The following JAKMIP3 variants were observed in gnomAD, a reference collection of about 807,000 sequenced individuals.
JAKMIP3 encodes Janus kinase and microtubule interacting protein 3.
Under a neutral mutation model 118.5 loss-of-function variants are expected in JAKMIP3, and 58 were observed. That is an observed-to-expected ratio of 0.49 (90% CI 0.40 to 0.61). The LOEUF (loss-of-function observed/expected upper bound fraction) is 0.61, where lower values mean the gene tolerates loss of function less well. JAKMIP3 is among the 20% of genes least tolerant of loss of function. The pLI is 0.00. For synonymous variants in JAKMIP3, 486 were observed against 451.2 expected, an observed-to-expected ratio of 1.08 and a Z score of -0.98; for missense variants, 950 against 1,109.0, an observed-to-expected ratio of 0.86 and a Z score of 2.04.
At chr10:132,159,826 CCTCTCCCT>C (rs2057795865) in intron 19 of JAKMIP3, among the ~76,000 whole-genome samples, 6 of 30,258 alleles carry the variant, frequency 2.0e-4, no homozygotes, top group African/African-American at 6.5e-4. Flanking sequence ...TGCTGGGGGG[CCTCTCCCT>C]GTGTGATGCT....
At position 132,167,030 on chromosome 10, in the gene JAKMIP3, A is replaced by G. The variant is rs369101480; in HGVS notation, c.2538A>G (p.Ser846=). 82 of 1,550,002 alleles carry G rather than the reference A, an allele frequency of 5.3e-5. No individual in the cohort carries two copies. The highest frequency in any genetic ancestry group is 1.4e-4 in the African/African-American group (10 of 72,862). Residue 846 remains serine, a synonymous_variant, in exon 22 of 24, where the codon TCA becomes TCG. Transcript: ENST00000684848. The part of the protein sequence containing the change: ...LFFSLAFILW[S] Reference sequence around the variant, plus strand: ...TCTCCTTAGCTTTCATTCTCTGGTCATAGTCCGTCTTGGCACCCTGACGTG... The same window carrying G: ...TCTCCTTAGCTTTCATTCTCTGGTCGTAGTCCGTCTTGGCACCCTGACGTG...
At chr10:132,061,585 G>C (rs937044861), upstream of JAKMIP3, among the ~76,000 whole-genome samples, 1 of 152,206 alleles carries the variant, frequency 6.6e-6, no homozygotes, top group African/African-American at 2.4e-5. Context: ...CGTTGGGGCA[G>C]AGCTTGACAG....
intron 1 of JAKMIP3, among the ~76,000 whole-genome samples, chr10:132,077,147 GT>G (rs2040953686): frequency 1.3e-5 from 2 of 152,190 alleles, no homozygotes; most frequent in Non-Finnish European, 2.9e-5. Flanking sequence ...CTCCTTGCTC[GT>G]GAGCAAAAGG....
Position 132,154,035 on chromosome 10 carries a change from C to G in JAKMIP3, c.2220+45C>G, listed in dbSNP as rs7082416. On this transcript the variant is annotated intron_variant, in intron 19 of 23. Transcript: ENST00000684848. ...TGGAACCCCGGGGAGGGGCACTGGG[C>G]TGAAACGGCCACGTGGCTCAGGTGC... 240,035 of 1,582,584 alleles carry G rather than the reference C, an allele frequency of 0.15. 19,752 individuals are homozygous for G. The highest frequency in any genetic ancestry group is 0.27 in the African/African-American group (20,033 of 74,438).
rs770812165 is a variant in JAKMIP3, at chr10:132,147,962, T to C, written c.1760T>C (p.Met587Thr). Residue 587 changes from methionine (M) to threonine (T), a missense_variant, in exon 14 of 24, where the codon ATG (methionine) becomes ACG (threonine). Met to Thr is a moderately conservative substitution (Grantham distance 81, BLOSUM62 -1). Transcript: ENST00000684848. The stretch of plus-strand genomic sequence containing the variant: ...TCTTTTATGTTGCAGATCAAACAAA[T>C]GGAGACGGAAGAGGCTCGGCTCAGA... ...NQELVEKIKQMETEEARLRHE... is the reference protein window; with the variant it reads ...NQELVEKIKQTETEEARLRHE... The C allele has an allele frequency of 2.2e-5, 35 of 1,606,140 alleles. No homozygotes were observed. The highest frequency in any genetic ancestry group is 2.9e-5 in the Non-Finnish European group (34 of 1,176,084).
chr10:132,170,272 C>T (rs1405192653), intron 23 of JAKMIP3: 1 of 152,340 alleles, frequency 6.6e-6, no homozygotes, highest in Non-Finnish European at 1.5e-5. Flanking sequence ...TCCACAGCCT[C>T]CAGGGTCCCC....
At chr10:132,158,358 A>ACATC (rs1431369897) in intron 19 of JAKMIP3, among the ~76,000 whole-genome samples, 1 of 152,188 alleles carries the variant, frequency 6.6e-6, no homozygotes, top group Non-Finnish European at 1.5e-5. Flanking sequence ...TTGTGATCAA[A>ACATC]CATCCCATGG....
chr10:132,055,250 C>A (rs2038207673), intron 1 of JAKMIP3, among the ~76,000 whole-genome samples: 1 of 152,132 alleles, frequency 6.6e-6, no homozygotes, highest in Non-Finnish European at 1.5e-5. Flanking sequence ...GAACTCTTTT[C>A]AAGACCTTTA....
chr10:132,110,686 A>G (rs756375757), intron 2 of JAKMIP3, among the ~76,000 whole-genome samples: 3 of 152,254 alleles, frequency 2.0e-5, no homozygotes, highest in Non-Finnish European at 4.4e-5. Flanking sequence ...AGACTTGAGC[A>G]GACTGAGATC....
upstream of JAKMIP3, among the ~76,000 whole-genome samples, chr10:132,036,432 G>T (rs953424356): frequency 6.6e-6 from 1 of 152,148 alleles, no homozygotes; most frequent in Admixed American, 6.5e-5. Context: ...AGCCGGCGGC[G>T]CCCGGTGCCC....
intron 3 of JAKMIP3, among the ~76,000 whole-genome samples, chr10:132,126,664 G>A (rs918646901): frequency 4.6e-5 from 7 of 152,092 alleles, no homozygotes; most frequent in South Asian, 2.1e-4. Flanking sequence ...AAATTCCCTC[G>A]TATTCCTACT....
intron 1 of JAKMIP3, among the ~76,000 whole-genome samples, chr10:132,104,052 G>A (rs932687601): frequency 6.6e-6 from 1 of 152,190 alleles, no homozygotes; most frequent in African/African-American, 2.4e-5. Context: ...GCGTGTGTCC[G>A]AATCTCCCTC....
intron 2 of JAKMIP3, among the ~76,000 whole-genome samples, chr10:132,116,749 A>T (rs1475873645): frequency 3.3e-4 from 31 of 94,538 alleles, no homozygotes; most frequent in Non-Finnish European, 5.4e-4. Flanking sequence ...CAGATGTGTG[A>T]GTGTGTGCAT....
At chr10:132,048,143 G>A (rs1169394316) in intron 1 of JAKMIP3, among the ~76,000 whole-genome samples, 1 of 152,254 alleles carries the variant, frequency 6.6e-6, no homozygotes, top group Non-Finnish European at 1.5e-5. Context: ...CAGGTGTGAT[G>A]TTGAGGGCGA....
intron 9 of JAKMIP3, among the ~76,000 whole-genome samples, chr10:132,140,146 G>A (rs201403261): frequency 1.6e-4 from 24 of 152,342 alleles, no homozygotes; most frequent in Non-Finnish European, 2.5e-4. Context: ...GTTAACCCGG[G>A]TACCACCCTC....
At position 132,168,215 on chromosome 10, in the gene JAKMIP3, C is replaced by G. The variant is rs1226562172; in HGVS notation, c.*285C>G. On this transcript the variant is annotated 3_prime_UTR_variant, in exon 23 of 24. Transcript: ENST00000684848. ...GGCTGCTGGACCCTGGGTCCCTTCTCCCGGACGGCAGCCCCCATCCCATTT... is the reference window on the plus strand; with the variant it reads ...GGCTGCTGGACCCTGGGTCCCTTCTGCCGGACGGCAGCCCCCATCCCATTT... The G allele has an allele frequency of 8.5e-6, 11 of 1,288,950 alleles. No individual in the cohort carries two copies. The highest frequency in any genetic ancestry group is 6.9e-5 in the Admixed American group (3 of 43,488). 79.8% of individuals were successfully genotyped at this position (1,288,950 alleles called of 1,614,324 possible).
chr10:132,174,389 GGTGGGCTCAATGGCCTCCGTGGCCTCC>G (rs2059953456), intron 23 of JAKMIP3, among the ~76,000 whole-genome samples: 1 of 151,982 alleles, frequency 6.6e-6, no homozygotes, highest in African/African-American at 2.4e-5. Flanking sequence ...CTGTGGGCTT[GGTGGGCTCAATGGCCTCCGTGGCCTCC>G]GTGGGCTCAG....
intron 11 of JAKMIP3, among the ~76,000 whole-genome samples, chr10:132,142,577 C>T (rs1053704149): frequency 9.2e-5 from 14 of 152,346 alleles, no homozygotes; most frequent in East Asian, 3.9e-4. Context: ...ACCTTAGCGT[C>T]GTCCCCCAGG....
In JAKMIP3 at chr10:132,117,681, C is replaced by T. The variant is rs1031104348; in HGVS notation, c.633+107C>T. ...GGTGCAGGCGTGGGCTCGGGGAGCA[C>T]GCGGGCAGCACCGGCTTCACCCCCC... On this transcript the variant is annotated intron_variant, in intron 3 of 23. Transcript: ENST00000684848. The surrounding 1 kb of genome is among the most constrained non-coding windows in gnomAD (Gnocchi z 8.6). 2.2e-5 allele frequency: 27 copies of T among 1,218,148 alleles called. No individual in the cohort carries two copies. Among genetic ancestry groups the T allele is most frequent in the Middle Eastern group, 3.2e-4 (1 of 3,172 alleles). 75.5% of individuals were successfully genotyped at this position (1,218,148 alleles called of 1,614,324 possible). A position where few individuals can be genotyped will look rare whatever the true frequency, so the allele number is the denominator to read the frequency against.
Sources: allele counts gnomAD v4.1 joint callset (sites outside exome capture counted in the v4.1 genomes callset), GRCh38; gene constraint gnomAD v4.1.1; non-coding constraint Gnocchi (gnomAD v3.1); transcripts MANE v1.5; gene names NCBI Gene and HGNC (gene_info 2026-07-23, HGNC 2026-07-21).